NAALADL2: variants seen among roughly 807,000 people sequenced by gnomAD.
NAALADL2 encodes N-acetylated alpha-linked acidic dipeptidase like 2.
NAALADL2 carries 76 observed loss-of-function variants against 87.2 expected under a neutral mutation model. That is an observed-to-expected ratio of 0.87 (90% confidence interval 0.72 to 1.05). The LOEUF is 1.05. NAALADL2 is among the 50% of genes least tolerant of loss of function. The pLI, the probability that NAALADL2 is intolerant of heterozygous loss-of-function variation, is 0.00. For missense variants in NAALADL2, 1,089 were observed against 945.8 expected, an observed-to-expected ratio of 1.15 and a Z score of -1.99; for synonymous variants, 354 against 331.0, an observed-to-expected ratio of 1.07 and a Z score of -0.75.
intron 1 of NAALADL2, among the ~76,000 whole-genome samples, chr3:174,545,935 A>G (rs1722692139): frequency 6.6e-6 from 1 of 150,656 alleles, no homozygotes; most frequent in Non-Finnish European, 1.5e-5. Context: ...ATATATTTAT[A>G]TTTTGTTGAA....
At chr3:174,860,832 T>C (rs1726399086) in intron 1 of NAALADL2, among the ~76,000 whole-genome samples, 1 of 152,090 alleles carries the variant, frequency 6.6e-6, no homozygotes, top group Admixed American at 6.6e-5. Flanking sequence ...TCTTTCTTTT[T>C]CTCTGGTGCT....
rs551050075 is a variant in NAALADL2, at chr3:175,131,589, G to T, written c.545+34298G>T. Among the ~76,000 whole-genome samples the T allele has an allele frequency of 1.7e-3, 253 of 152,222 alleles. 2 individuals carry two copies. The highest frequency in any genetic ancestry group is 3.4e-3 in the African/African-American group (142 of 41,540). On this transcript the variant is annotated intron_variant, in intron 2 of 13. Transcript: ENST00000454872. ...CATCCGATTTCTCAATCTTTTCCCC[G>T]CCTTTCCCCGCTTTCTATTCCACAA... is the stretch of plus-strand genomic sequence containing the variant.
intron 9 of NAALADL2, among the ~76,000 whole-genome samples, chr3:175,544,133 G>A (rs981911579): frequency 6.6e-6 from 1 of 152,144 alleles, no homozygotes; most frequent in Non-Finnish European, 1.5e-5. Context: ...GTTGAGTTAT[G>A]ATCTTCTAAT....
At chr3:174,897,772 A>G (rs570651184) in intron 1 of NAALADL2, among the ~76,000 whole-genome samples, 96 of 152,290 alleles carry the variant, frequency 6.3e-4, no homozygotes, top group African/African-American at 2.3e-3. Context: ...GTGTCCATCA[A>G]CAGATGATTG....
intron 5 of NAALADL2, among the ~76,000 whole-genome samples, chr3:175,410,230 C>T (rs370820512): frequency 2.0e-5 from 3 of 152,238 alleles, no homozygotes; most frequent in African/African-American, 4.8e-5. Flanking sequence ...ACAGGAAGAA[C>T]GTGTAATTGA....
At chr3:174,986,086 A>G (rs9862801) in intron 1 of NAALADL2, among the ~76,000 whole-genome samples, 14,260 of 151,952 alleles carry the variant, frequency 0.094, 1,560 homozygotes, top group African/African-American at 0.26. Flanking sequence ...TTTTTAGGCA[A>G]TAAAAATTAT....
At chr3:175,305,063 C>A (rs985037408) in intron 4 of NAALADL2, among the ~76,000 whole-genome samples, 2 of 151,784 alleles carry the variant, frequency 1.3e-5, no homozygotes, top group Admixed American at 1.3e-4. Context: ...CTCTGTGATA[C>A]AAAGTTATTT....
At chr3:174,827,379 A>G (rs541095605) in intron 3 of NAALADL2, among the ~76,000 whole-genome samples, 1 of 152,304 alleles carries the variant, frequency 6.6e-6, no homozygotes, top group South Asian at 2.1e-4. Flanking sequence ...TCTTCCTGAA[A>G]GCATGGAGGG....
chr3:175,100,305 G>A (rs1721913765), intron 2 of NAALADL2, among the ~76,000 whole-genome samples: 1 of 152,008 alleles, frequency 6.6e-6, no homozygotes, highest in Non-Finnish European at 1.5e-5. Flanking sequence ...AGAAGCAAAA[G>A]CTAGGGAGAA....
At chr3:174,472,960 C>G (rs1160293550) in intron 1 of NAALADL2, among the ~76,000 whole-genome samples, 1 of 152,008 alleles carries the variant, frequency 6.6e-6, no homozygotes, top group Non-Finnish European at 1.5e-5. Flanking sequence ...TTATATTATC[C>G]TATAATTTTC....
At chr3:175,088,554 G>C (rs1306573393) in intron 1 of NAALADL2, among the ~76,000 whole-genome samples, 1 of 152,214 alleles carries the variant, frequency 6.6e-6, no homozygotes, top group Non-Finnish European at 1.5e-5. Flanking sequence ...AGGAATATAA[G>C]TTTAGAATAA....
At chr3:175,165,937 G>A (rs1334421597) in intron 2 of NAALADL2, among the ~76,000 whole-genome samples, 1 of 151,570 alleles carries the variant, frequency 6.6e-6, no homozygotes, top group East Asian at 1.9e-4. Context: ...TCTCCTCTCA[G>A]GAATAACTAT....
chr3:175,803,053 T>TA lies in NAALADL2; in HGVS notation c.2239dup (p.Ile747AsnfsTer14). The TA allele has an allele frequency of 6.2e-7, 1 of 1,612,342 alleles. No homozygotes were observed. The highest frequency in any genetic ancestry group is 8.5e-7 in the Non-Finnish European group (1 of 1,178,940). The stretch of plus-strand genomic sequence containing the variant: ...AAAAGACAAGCCGGTTTTCAATACT[T>TA]ATAGAGGCTTGGGAACACTGCAAAC... On this transcript the variant is annotated frameshift_variant, in exon 14 of 14. Transcript: ENST00000454872. LOFTEE classifies it high-confidence loss of function.
At chr3:174,662,029 A>G (rs915055912) in intron 2 of NAALADL2, among the ~76,000 whole-genome samples, 5 of 152,162 alleles carry the variant, frequency 3.3e-5, no homozygotes, top group African/African-American at 1.2e-4. Flanking sequence ...GACATAAGCT[A>G]TATAGCTCAT....
intron 9 of NAALADL2, among the ~76,000 whole-genome samples, chr3:175,505,538 G>C (rs925494682): frequency 2.0e-5 from 3 of 152,096 alleles, no homozygotes; most frequent in Non-Finnish European, 4.4e-5. Context: ...AATGTTGTTG[G>C]CTTATTTTTT....
chr3:175,392,381 TAAAG>T (rs1324933913), intron 5 of NAALADL2, among the ~76,000 whole-genome samples: 1 of 152,128 alleles, frequency 6.6e-6, no homozygotes, highest in Non-Finnish European at 1.5e-5. Context: ...AATTTTAAAA[TAAAG>T]AAAAATCTGT....
intron 7 of NAALADL2, among the ~76,000 whole-genome samples, chr3:175,465,439 C>T (rs1017348515): frequency 6.7e-6 from 1 of 149,954 alleles, no homozygotes; most frequent in Non-Finnish European, 1.5e-5. Flanking sequence ...CATTTGCAGA[C>T]ACACTCTCAC....
chr3:175,515,226 A>C (rs1356506211), intron 9 of NAALADL2, among the ~76,000 whole-genome samples: 1 of 152,150 alleles, frequency 6.6e-6, no homozygotes, highest in East Asian at 1.9e-4. Context: ...ATAGGCTATA[A>C]ATTAGAGCAA....
chr3:174,500,826 C>G (rs1481687808), intron 1 of NAALADL2, among the ~76,000 whole-genome samples: 1 of 150,376 alleles, frequency 6.6e-6, no homozygotes, highest in Non-Finnish European at 1.5e-5. Context: ...ATAAATCCAC[C>G]TTGGTCATTA....
Sources: gnomAD v4.1 joint callset for allele counts (sites outside exome capture counted in the v4.1 genomes callset) on GRCh38, gnomAD v4.1.1 for gene constraint, MANE v1.5 for transcripts, NCBI Gene and HGNC (gene_info 2026-07-23, HGNC 2026-07-21) for gene names.